RNF19A: variants seen among roughly 807,000 people sequenced by gnomAD.
RNF19A encodes E3 ubiquitin-protein ligase RNF19A.
RNF19A carries 32 observed loss-of-function variants against 75.7 expected under a neutral mutation model. That is an observed-to-expected ratio of 0.42 (90% confidence interval 0.32 to 0.57). RNF19A has a LOEUF of 0.57. RNF19A is among the 20% of genes least tolerant of loss of function. RNF19A has a pLI of 0.10. For missense variants in RNF19A, 782 were observed against 1,036.3 expected, an observed-to-expected ratio of 0.75 and a Z score of 3.37; for synonymous variants, 335 against 345.2, an observed-to-expected ratio of 0.97 and a Z score of 0.33.
intron 2 of RNF19A, among the ~76,000 whole-genome samples, chr8:100,279,506 T>C (rs1334383020): frequency 6.6e-6 from 1 of 152,034 alleles, no homozygotes; most frequent in African/African-American, 2.4e-5. Flanking sequence ...CCCAAGTAAC[T>C]GAGATTACAA....
chr8:100,319,240 T>C (rs747707033), intron 1 of RNF19A, among the ~76,000 whole-genome samples: 2 of 152,186 alleles, frequency 1.3e-5, no homozygotes, highest in East Asian at 1.9e-4. Context: ...TTTAGTGATA[T>C]TATGTTTTAT....
intron 1 of RNF19A, among the ~76,000 whole-genome samples, chr8:100,316,292 G>A (rs1440730190): frequency 2.0e-5 from 3 of 152,160 alleles, no homozygotes; most frequent in East Asian, 1.9e-4. Flanking sequence ...AGGGTGAGCA[G>A]TAGCAAGATT....
rs1819875756 is a variant in RNF19A at position 100,264,456 on chromosome 8, T to C, written c.1306+215A>G. On this transcript the variant is annotated intron_variant, in intron 6 of 9. Coordinates refer to ENST00000341084, the MANE Select transcript of RNF19A (RefSeq NM_183419.4). This position sits in a 1 kb window ranked among gnomAD's most constrained non-coding sequence, Gnocchi z 4.7. ...TTTGAAGTGCCAGGCCTCCGAACTG[T>C]ACTTGGGGTGGAGTGGGGAGGAAGG... is the stretch of plus-strand genomic sequence containing the variant. 5 of 587,332 alleles carry C rather than the reference T, an allele frequency of 8.5e-6. No individual in the cohort carries two copies. The South Asian group carries it at 1.1e-4, about 13-fold the overall frequency. 36.4% of individuals were successfully genotyped at this position (587,332 alleles called of 1,614,324 possible).
Position 100,261,055 on chromosome 8 carries a change from T to A in RNF19A, c.1682+487A>T, listed in dbSNP as rs914077023. Among the ~76,000 whole-genome samples, 5 of 152,082 alleles carry A rather than the reference T, an allele frequency of 3.3e-5. No individual in the cohort carries two copies. Among genetic ancestry groups the A allele is most frequent in the African/African-American group, 1.2e-4 (5 of 41,408 alleles). ...AAATGTGACAAGGACAGTGAAAAAA[T>A]TGGCAGAATGTTATTCCTTAGACTT... On this transcript the variant is annotated intron_variant, in intron 8 of 9. Transcript: ENST00000341084. This position sits in a 1 kb window ranked among gnomAD's most constrained non-coding sequence, Gnocchi z 4.4.
intron 1 of RNF19A, among the ~76,000 whole-genome samples, chr8:100,288,928 C>T (rs1025891513): frequency 2.0e-5 from 3 of 151,852 alleles, no homozygotes; most frequent in South Asian, 2.1e-4. Context: ...GGTGTGGTGG[C>T]GGGCCCCTGT....
chr8:100,310,507 G>C (rs952681283), upstream of RNF19A, among the ~76,000 whole-genome samples: 1 of 152,254 alleles, frequency 6.6e-6, no homozygotes, highest in Non-Finnish European at 1.5e-5. Flanking sequence ...TTGGCAGTTT[G>C]CCCGGCATTA....
At chr8:100,302,887 G>A (rs905512714) in intron 1 of RNF19A, among the ~76,000 whole-genome samples, 3 of 152,104 alleles carry the variant, frequency 2.0e-5, no homozygotes, top group Non-Finnish European at 2.9e-5. Flanking sequence ...AGAAAGAAAC[G>A]ATACAAGCAA....
intron 1 of RNF19A, among the ~76,000 whole-genome samples, chr8:100,319,828 GCTTTTTTTTT>G (rs1822439543): frequency 7.5e-6 from 1 of 132,466 alleles, no homozygotes; most frequent in African/African-American, 2.8e-5. Context: ...CCGCGTCCAG[GCTTTTTTTTT>G]CTTTTTTTTT....
At chr8:100,271,512 G>A (rs1820253525) in intron 3 of RNF19A, among the ~76,000 whole-genome samples, 1 of 152,144 alleles carries the variant, frequency 6.6e-6, no homozygotes, top group South Asian at 2.1e-4. Context: ...ATCTCAACAA[G>A]ACAGGGGAGT....
At chr8:100,313,429 A>G (rs560559022), upstream of RNF19A, 2 of 387,878 alleles carry the variant, frequency 5.2e-6, no homozygotes, top group Non-Finnish European at 7.0e-6. Context: ...GAGGAACAGC[A>G]GACGCAAAGG....
chr8:100,316,765 G>C (rs1422855622), intron 1 of RNF19A, among the ~76,000 whole-genome samples: 5 of 152,244 alleles, frequency 3.3e-5, no homozygotes, highest in Non-Finnish European at 7.3e-5. Flanking sequence ...CCCGCACCGT[G>C]CGCTCTCGCA....
rs752854364 is a variant in RNF19A, at chr8:100,258,677, T to C, written c.2396A>G (p.His799Arg). The change falls in exon 10 of 10, where the codon CAT becomes CGT. Residue 799 changes from histidine (H) to arginine (R), a missense_variant. His to Arg is a conservative substitution (Grantham distance 29, BLOSUM62 0). Transcript: ENST00000341084. The surrounding 1 kb of genome is among the most constrained non-coding windows in gnomAD (Gnocchi z 4.3). ...ATTAGGTTTTATTCCATTGTTACCA[T>C]GTTCTTCAGCAATATGATTCAACTG... The part of the protein sequence containing the change: ...VSQLNHIAEE[H>R]GNNGIKPNVD... 1 of 1,614,214 alleles carries C rather than the reference T, an allele frequency of 6.2e-7. No homozygotes were observed. Among genetic ancestry groups the C allele is most frequent in the Non-Finnish European group, 8.5e-7 (1 of 1,180,030 alleles).
chr8:100,260,154 G>A lies in RNF19A; in HGVS notation c.1683-157C>T, dbSNP rs1819646430. On this transcript the variant is annotated intron_variant, in intron 8 of 9. Transcript: ENST00000341084. This position sits in a 1 kb window ranked among gnomAD's most constrained non-coding sequence, Gnocchi z 4.1. Reference sequence around the variant, plus strand: ...TTTATTTAATTTAAATTCTACTGCAGCACACTGCATAGTACCAGCCATCCA... The same window carrying A: ...TTTATTTAATTTAAATTCTACTGCAACACACTGCATAGTACCAGCCATCCA... The A allele has an allele frequency of 1.5e-6, 1 of 646,998 alleles. No homozygotes were observed. Among genetic ancestry groups the A allele is most frequent in the Non-Finnish European group, 2.6e-6 (1 of 384,898 alleles). The allele number at this position is 646,998 out of a possible 1,614,324, so 40.1% of individuals were successfully genotyped here.
At chr8:100,266,053 A>G (rs1393382246) in intron 5 of RNF19A, among the ~76,000 whole-genome samples, 2 of 152,266 alleles carry the variant, frequency 1.3e-5, no homozygotes, top group African/African-American at 4.8e-5. Context: ...GGAGTCTTCT[A>G]GAAAATTTTT....
chr8:100,257,795 G>C lies in RNF19A; in HGVS notation c.*761C>G. 2.6e-6 allele frequency: 1 copy of C among 380,726 alleles called. No individual in the cohort carries two copies. The highest frequency in any genetic ancestry group is 4.7e-6 in the Non-Finnish European group (1 of 214,912). 23.6% of individuals were successfully genotyped at this position (380,726 alleles called of 1,614,324 possible). On this transcript the variant is annotated 3_prime_UTR_variant, in exon 10 of 10. Coordinates refer to ENST00000341084, the MANE Select transcript of RNF19A (RefSeq NM_183419.4). Reference sequence around the variant, plus strand: ...GGGTACAAACTTCCCCTTAGAGAAAGGTGGATTTTTTGTAATACTTATAAC... The same window carrying C: ...GGGTACAAACTTCCCCTTAGAGAAACGTGGATTTTTTGTAATACTTATAAC...
In RNF19A at chr8:100,264,524, T is replaced by G; in HGVS notation, c.1306+147A>C. Reference sequence around the variant, plus strand: ...TTTACCAACTACTTTAAGGCTAGGCTCTTGAATCTGTAATACTTTCAACCA... The same window carrying G: ...TTTACCAACTACTTTAAGGCTAGGCGCTTGAATCTGTAATACTTTCAACCA... On this transcript the variant is annotated intron_variant, in intron 6 of 9. Coordinates refer to ENST00000341084, the MANE Select transcript of RNF19A (RefSeq NM_183419.4). The surrounding 1 kb of genome is among the most constrained non-coding windows in gnomAD (Gnocchi z 4.7). The G allele has an allele frequency of 1.6e-6, 1 of 625,500 alleles. No individual in the cohort carries two copies. The highest frequency in any genetic ancestry group is 2.8e-6 in the Non-Finnish European group (1 of 359,820). 38.7% of individuals were successfully genotyped at this position (625,500 alleles called of 1,614,324 possible). A position where few individuals can be genotyped will look rare whatever the true frequency, so the allele number is the denominator to read the frequency against.
chr8:100,288,196 G>A lies in RNF19A; in HGVS notation c.-22C>T. ...GCATTCACATTAAGTCATGATGTAAGAATATCCTACTTGGTTCCTTCAGAG... is the reference window on the plus strand; with the variant it reads ...GCATTCACATTAAGTCATGATGTAAAAATATCCTACTTGGTTCCTTCAGAG... On this transcript the variant is annotated 5_prime_UTR_variant, in exon 2 of 10. Coordinates refer to ENST00000341084, the MANE Select transcript of RNF19A (RefSeq NM_183419.4). 6.4e-7 allele frequency: 1 copy of A among 1,567,310 alleles called. No homozygotes were observed. The highest frequency in any genetic ancestry group is 1.7e-4 in the Middle Eastern group (1 of 5,844).
At chr8:100,301,120 G>C (rs1821806481) in intron 1 of RNF19A, among the ~76,000 whole-genome samples, 1 of 152,172 alleles carries the variant, frequency 6.6e-6, no homozygotes, top group African/African-American at 2.4e-5. Flanking sequence ...TTAAATTTTA[G>C]TTCCTCAGTT....
At position 100,275,973 on chromosome 8, in the gene RNF19A, C is replaced by A. The variant is rs529884492; in HGVS notation, c.675-812G>T. Among the ~76,000 whole-genome samples the A allele has an allele frequency of 1.8e-4, 27 of 151,836 alleles. No homozygotes were observed. The highest frequency in any genetic ancestry group is 3.4e-4 in the Non-Finnish European group (23 of 67,982). ...TCTCCTGCCAAAAAATAAAAAAAAA[C>A]TGTTTTTTTTTCCTTCGGATTAAAG... On this transcript the variant is annotated intron_variant, in intron 2 of 9. Coordinates refer to ENST00000341084, the MANE Select transcript of RNF19A (RefSeq NM_183419.4). The surrounding 1 kb of genome is among the most constrained non-coding windows in gnomAD (Gnocchi z 4.3).
Sources: gnomAD v4.1 joint callset for allele counts (sites outside exome capture counted in the v4.1 genomes callset) on GRCh38, gnomAD v4.1.1 for gene constraint, Gnocchi (gnomAD v3.1) non-coding constraint, MANE v1.5 for transcripts, NCBI Gene and HGNC (gene_info 2026-07-23, HGNC 2026-07-21) for gene names.